Variants in CLASP1 observed in about 807,000 individuals in gnomAD.
CLASP1 encodes CLIP-associating protein 1.
CLASP1 carries 38 observed loss-of-function variants against 192.3 expected under a neutral mutation model. The observed-to-expected ratio is 0.20, with a 90% CI of 0.15 to 0.26. CLASP1 has a LOEUF of 0.26. CLASP1 is among the 10% of genes least tolerant of loss of function. The pLI is 1.00. For synonymous variants in CLASP1, 691 were observed against 712.8 expected (o/e 0.97, Z 0.49); for missense variants, 1,433 against 1,932.5 (o/e 0.74, Z 4.85).
intron 2 of CLASP1, among the ~76,000 whole-genome samples, chr2:121,553,839 A>C (rs2058267732): frequency 6.6e-6 from 1 of 152,222 alleles, no homozygotes; most frequent in Admixed American, 6.5e-5. Context: ...ATTATTCATA[A>C]TGGCAAAAAG....
At position 121,449,084 on chromosome 2, in the gene CLASP1, T is replaced by C. The variant is rs1019723426; in HGVS notation, c.1560A>G (p.Glu520=). ...CCAAGGTGTGGTACAAGTGCTCTGC[T>C]TCTCTGCTGAAGTGACTGTGGAAAC... The change falls in exon 17 of 40, where the codon GAA becomes GAG. Residue 520 remains glutamate, a synonymous_variant. Transcript: ENST00000263710. 5 of 1,613,852 alleles carry C rather than the reference T, an allele frequency of 3.1e-6. 1 individual carries two copies. Among genetic ancestry groups the C allele is most frequent in the Non-Finnish European group, 4.2e-6 (5 of 1,179,858 alleles).
At chr2:121,349,304 A>T (rs1277539620) in intron 37 of CLASP1, among the ~76,000 whole-genome samples, 1 of 152,038 alleles carries the variant, frequency 6.6e-6, no homozygotes, top group Non-Finnish European at 1.5e-5. Context: ...TATCAGCCCC[A>T]GCAGCAGTGC....
intron 37 of CLASP1, among the ~76,000 whole-genome samples, chr2:121,358,282 G>A (rs941288852): frequency 1.3e-5 from 2 of 152,226 alleles, no homozygotes; most frequent in African/African-American, 4.8e-5. Flanking sequence ...CTACTCAACA[G>A]CAACCTGTAT....
chr2:121,574,051 T>C (rs991258007), intron 2 of CLASP1, among the ~76,000 whole-genome samples: 1 of 152,212 alleles, frequency 6.6e-6, no homozygotes, highest in East Asian at 1.9e-4. Flanking sequence ...ATGGTAACTA[T>C]AGCTATTAAT....
At chr2:121,408,336 T>G (rs1307936099) in intron 24 of CLASP1, among the ~76,000 whole-genome samples, 1 of 152,210 alleles carries the variant, frequency 6.6e-6, no homozygotes, top group African/African-American at 2.4e-5. Context: ...CAGGCTGGTT[T>G]TGAACTCCTG....
At chr2:121,614,156 G>T (rs2066071614) in intron 1 of CLASP1, among the ~76,000 whole-genome samples, 1 of 152,184 alleles carries the variant, frequency 6.6e-6, no homozygotes, top group Admixed American at 6.5e-5. Context: ...TGTTACTTCT[G>T]CCACAATCTA....
At chr2:121,456,760 G>A (rs759166146) in intron 14 of CLASP1, among the ~76,000 whole-genome samples, 1 of 152,046 alleles carries the variant, frequency 6.6e-6, no homozygotes, top group Non-Finnish European at 1.5e-5. Flanking sequence ...AAAGGTAAAC[G>A]GCTGGCAAAG....
At chr2:121,482,025 T>C (rs560410743) in intron 8 of CLASP1, among the ~76,000 whole-genome samples, 275 of 152,332 alleles carry the variant, frequency 1.8e-3, no homozygotes, top group Non-Finnish European at 2.9e-3. Context: ...GGATCCACTG[T>C]GCCCACCAAC....
chr2:121,549,559 A>G (rs2057813126), intron 2 of CLASP1, among the ~76,000 whole-genome samples: 1 of 152,130 alleles, frequency 6.6e-6, no homozygotes, highest in Admixed American at 6.6e-5. Context: ...AAAGATATTC[A>G]AGACCGGAAC....
chr2:121,515,836 CAT>C, intron 6 of CLASP1, 74 bp from the exon 7 acceptor site: 1 of 1,123,904 alleles, frequency 8.9e-7, no homozygotes, highest in East Asian at 2.4e-5. Context: ...CACAACAGGC[CAT>C]ATACCACCCC....
rs137976407 is a variant in CLASP1, at chr2:121,435,569, C to T, written c.1913-5392G>A. Among the ~76,000 whole-genome samples the T allele has an allele frequency of 2.3e-3, 347 of 152,254 alleles. 1 individual carries two copies. Among genetic ancestry groups the T allele is most frequent in the African/African-American group, 7.9e-3 (327 of 41,550 alleles). Reference sequence around the variant, plus strand: ...GATTACAGGCGTGAGCCACCATGCCCGCCCTATTTTTACCTTTTTATATGC... The same window carrying T: ...GATTACAGGCGTGAGCCACCATGCCTGCCCTATTTTTACCTTTTTATATGC... On this transcript the variant is annotated intron_variant, in intron 19 of 39. Coordinates refer to ENST00000263710, the Ensembl canonical transcript of CLASP1.
At chr2:121,387,029 T>C in intron 32 of CLASP1, 93 bp downstream of exon 33, 1 of 1,021,262 alleles carries the variant, frequency 9.8e-7, no homozygotes, top group Non-Finnish European at 1.5e-6. Context: ...CTTTTTGTTA[T>C]TTAGCTTAGT....
At chr2:121,549,743 C>T (rs1575887208) in intron 2 of CLASP1, among the ~76,000 whole-genome samples, 2 of 145,356 alleles carry the variant, frequency 1.4e-5, no homozygotes, top group South Asian at 2.2e-4. Flanking sequence ...TGGTGGCTCA[C>T]GCCTGTAATC....
chr2:121,471,881 T>C (rs939058657), intron 8 of CLASP1, among the ~76,000 whole-genome samples: 2 of 152,190 alleles, frequency 1.3e-5, no homozygotes, highest in Admixed American at 6.5e-5. Context: ...AAGTGGTTCA[T>C]AATGGCCTTC....
intron 8 of CLASP1, among the ~76,000 whole-genome samples, chr2:121,471,530 A>T (rs1184474974): frequency 6.6e-6 from 1 of 152,086 alleles, no homozygotes; most frequent in South Asian, 2.1e-4. Context: ...AAACACACAA[A>T]TAGAATCCTG....
chr2:121,401,079 C>T (rs2076098880), intron 28 of CLASP1, among the ~76,000 whole-genome samples: 1 of 152,160 alleles, frequency 6.6e-6, no homozygotes, highest in Non-Finnish European at 1.5e-5. Flanking sequence ...AGCCAGTGTA[C>T]TATTAATTTA....
chr2:121,616,351 A>T (rs1331665099), intron 1 of CLASP1, among the ~76,000 whole-genome samples: 1 of 152,026 alleles, frequency 6.6e-6, no homozygotes, highest in Non-Finnish European at 1.5e-5. Flanking sequence ...GGAGGCTGAG[A>T]CAATAGAATC....
intron 34 of CLASP1, among the ~76,000 whole-genome samples, chr2:121,373,307 T>A (rs971180640): frequency 6.6e-6 from 1 of 152,156 alleles, no homozygotes; most frequent in Admixed American, 6.5e-5. Flanking sequence ...TCCTGAGGCC[T>A]CCCCAGCCAG....
At chr2:121,464,351 G>C (rs1202392834) in intron 9 of CLASP1, among the ~76,000 whole-genome samples, 1 of 151,988 alleles carries the variant, frequency 6.6e-6, no homozygotes, top group African/African-American at 2.4e-5. Flanking sequence ...AGTCCTTTGG[G>C]TATATACCCA....
Sources: allele counts gnomAD v4.1 joint callset (sites outside exome capture counted in the v4.1 genomes callset), GRCh38; gene constraint gnomAD v4.1.1; transcripts MANE v1.5; gene names NCBI Gene and HGNC (gene_info 2026-07-23, HGNC 2026-07-21).